SSBP2: variants seen among roughly 807,000 people sequenced by gnomAD.
The protein encoded by SSBP2 is single stranded DNA binding protein 2, also known as single-stranded DNA-binding protein 2.
A neutral mutation model predicts 61.8 loss-of-function variants in SSBP2; 17 were observed. The observed-to-expected ratio is 0.28, with a 90% CI of 0.19 to 0.41. The LOEUF is 0.41. Ranked by LOEUF, SSBP2 falls within the 10% of genes least tolerant of loss-of-function variation. SSBP2 has a pLI of 1.00. For synonymous variants in SSBP2, 139 were observed against 141.3 expected, an observed-to-expected ratio of 0.98 and a Z score of 0.12; for missense variants, 310 against 458.7, an observed-to-expected ratio of 0.68 and a Z score of 2.96.
At position 81,573,146 on chromosome 5, in the gene SSBP2, G is replaced by T. The variant is rs1204112661; in HGVS notation, c.282+42327C>A. On this transcript the variant is annotated intron_variant, in intron 4 of 16. Transcript: ENST00000320672. Reference sequence around the variant, plus strand: ...AAAAAGATCTGTTGGGGTTTTGTTGGTTTAGACAGTTTTGCTGAGGTGCCC... The same window carrying T: ...AAAAAGATCTGTTGGGGTTTTGTTGTTTTAGACAGTTTTGCTGAGGTGCCC... 2.0e-5 allele frequency among the ~76,000 whole-genome samples: 3 copies of T among 152,156 alleles called. No homozygotes were observed. The South Asian group carries it at 6.2e-4, about 32-fold the overall frequency.
intron 5 of SSBP2, among the ~76,000 whole-genome samples, chr5:81,507,106 G>GA (rs1214002685): frequency 6.6e-6 from 1 of 151,968 alleles, no homozygotes; most frequent in African/African-American, 2.4e-5. Context: ...GCTAAAAATA[G>GA]AAAGTCTAGA....
intron 6 of SSBP2, among the ~76,000 whole-genome samples, chr5:81,481,419 C>A (rs1765977700): frequency 6.6e-6 from 1 of 151,816 alleles, no homozygotes; most frequent in Non-Finnish European, 1.5e-5. Flanking sequence ...GTCAGGAGTT[C>A]GAGACCAGCC....
At chr5:81,683,552 C>G (rs1561688510) in intron 1 of SSBP2, among the ~76,000 whole-genome samples, 1 of 152,110 alleles carries the variant, frequency 6.6e-6, no homozygotes, top group Non-Finnish European at 1.5e-5. Flanking sequence ...TAGGAGAAAA[C>G]TTAACTGACC....
chr5:81,717,048 G>A (rs1415064665), intron 1 of SSBP2, among the ~76,000 whole-genome samples: 1 of 152,078 alleles, frequency 6.6e-6, no homozygotes, highest in Non-Finnish European at 1.5e-5. Context: ...GAAAATAGAA[G>A]AATATTTATT....
intron 1 of SSBP2, among the ~76,000 whole-genome samples, chr5:81,724,004 T>C (rs765441650): frequency 6.6e-6 from 1 of 152,058 alleles, no homozygotes; most frequent in Non-Finnish European, 1.5e-5. Flanking sequence ...TTAACTCTGC[T>C]GCTCTCTTCT....
intron 1 of SSBP2, among the ~76,000 whole-genome samples, chr5:81,721,245 T>C (rs914495995): frequency 5.9e-5 from 9 of 152,112 alleles, no homozygotes; most frequent in African/African-American, 1.9e-4. Flanking sequence ...TACTAAGGCA[T>C]CTAGTTAATC....
intron 5 of SSBP2, among the ~76,000 whole-genome samples, chr5:81,503,147 T>C (rs1220891763): frequency 6.6e-6 from 1 of 152,098 alleles, no homozygotes; most frequent in Non-Finnish European, 1.5e-5. Flanking sequence ...ATGGCTATTA[T>C]AAAAATGTCA....
intron 11 of SSBP2, among the ~76,000 whole-genome samples, chr5:81,447,227 C>A (rs1763461554): frequency 6.6e-6 from 1 of 151,998 alleles, no homozygotes; most frequent in South Asian, 2.1e-4. Flanking sequence ...CTTTACAAAT[C>A]CATAAAACAG....
chr5:81,454,716 AAGAG>A (rs763968154), intron 10 of SSBP2, among the ~76,000 whole-genome samples: 5 of 151,804 alleles, frequency 3.3e-5, no homozygotes, highest in East Asian at 1.9e-4. Context: ...AAAAATAAAA[AAGAG>A]AGAGAGAGAA....
intron 5 of SSBP2, among the ~76,000 whole-genome samples, chr5:81,493,763 A>T (rs113332951): frequency 4.5e-4 from 68 of 151,702 alleles, no homozygotes; most frequent in African/African-American, 1.5e-3. Context: ...CTCAAAAAAA[A>T]AAATAAAATA....
intron 4 of SSBP2, among the ~76,000 whole-genome samples, chr5:81,579,744 T>A (rs6880224): frequency 6.6e-6 from 1 of 152,036 alleles, no homozygotes. Context: ...CAATAGGAAA[T>A]GGAAGCTGTC....
chr5:81,435,370 G>A (rs1011170720), intron 15 of SSBP2, among the ~76,000 whole-genome samples: 1 of 152,170 alleles, frequency 6.6e-6, no homozygotes, highest in Non-Finnish European at 1.5e-5. Flanking sequence ...AACCACTTGA[G>A]GACAGAGATC....
chr5:81,498,600 T>C (rs1767464163), intron 5 of SSBP2, among the ~76,000 whole-genome samples: 2 of 152,064 alleles, frequency 1.3e-5, no homozygotes, highest in African/African-American at 2.4e-5. Flanking sequence ...AGCATAAACA[T>C]TCTTTAAAAA....
At chr5:81,657,959 C>A (rs1204337001) in intron 1 of SSBP2, among the ~76,000 whole-genome samples, 1 of 151,932 alleles carries the variant, frequency 6.6e-6, no homozygotes, top group Non-Finnish European at 1.5e-5. Context: ...TCATAATATA[C>A]AACATGATGT....
intron 2 of SSBP2, among the ~76,000 whole-genome samples, chr5:81,648,184 CAA>C (rs1319553681): frequency 5.3e-5 from 8 of 151,936 alleles, no homozygotes; most frequent in Non-Finnish European, 1.2e-4. Context: ...GTTAAGAATA[CAA>C]AAAGACATCC....
rs560214109 is a variant in SSBP2 at position 81,732,806 on chromosome 5, A to T, written c.62+18175T>A. On this transcript the variant is annotated intron_variant, in intron 1 of 16. Coordinates refer to ENST00000320672, the MANE Select transcript of SSBP2 (RefSeq NM_012446.5). ...ATCTTATACCCTTTCTAGTAAACAT[A>T]CTTTTTTAAAAAAAGATACCACCAC... Among the ~76,000 whole-genome samples, 3 of 152,274 alleles carry T rather than the reference A, an allele frequency of 2.0e-5. No individual in the cohort carries two copies. The East Asian group carries it at 5.8e-4, about 29-fold the overall frequency.
chr5:81,475,691 GA>G (rs954775670), intron 6 of SSBP2, among the ~76,000 whole-genome samples: 3 of 151,504 alleles, frequency 2.0e-5, no homozygotes, highest in African/African-American at 7.3e-5. Context: ...AAACTAAACT[GA>G]AAAAAAATCT....
intron 6 of SSBP2, among the ~76,000 whole-genome samples, chr5:81,488,031 ATATATATAT>A (rs1766530313): frequency 6.4e-5 from 1 of 15,694 alleles, no homozygotes; most frequent in African/African-American, 1.3e-3. Context: ...ATATATATAT[ATATATATAT>A]ATATATATAT....
At chr5:81,633,036 C>T (rs573856484) in intron 3 of SSBP2, among the ~76,000 whole-genome samples, 1 of 151,794 alleles carries the variant, frequency 6.6e-6, no homozygotes, top group East Asian at 1.9e-4. Context: ...TCAGAAAACC[C>T]TCACTTATTC....
Sources: allele counts gnomAD v4.1 joint callset (sites outside exome capture counted in the v4.1 genomes callset), GRCh38; gene constraint gnomAD v4.1.1; transcripts MANE v1.5; gene names NCBI Gene and HGNC (gene_info 2026-07-23, HGNC 2026-07-21).